The following ARMC8 variants were observed in gnomAD, a reference collection of about 807,000 sequenced individuals.
The protein encoded by ARMC8 is armadillo repeat-containing protein 8.
Under a neutral mutation model 99.3 loss-of-function variants are expected in ARMC8, and 20 were observed. The ratio of observed to expected loss-of-function variants is 0.20; its 90% CI spans 0.14 to 0.29. ARMC8 has a LOEUF of 0.29. ARMC8 is among the 10% of genes least tolerant of loss of function. The pLI is 1.00. For missense variants in ARMC8, 569 were observed against 809.5 expected (o/e 0.70, Z 3.60); for synonymous variants, 263 against 278.3 (o/e 0.95, Z 0.55).
intron 1 of ARMC8, among the ~76,000 whole-genome samples, chr3:138,207,844 G>C (rs2044462215): frequency 6.6e-6 from 1 of 152,192 alleles, no homozygotes; most frequent in Non-Finnish European, 1.5e-5. Flanking sequence ...CTGTGATTCT[G>C]TTATTTTGAG....
At chr3:138,260,716 A>C (rs904970679) in intron 12 of ARMC8, among the ~76,000 whole-genome samples, 1 of 152,134 alleles carries the variant, frequency 6.6e-6, no homozygotes, top group African/African-American at 2.4e-5. Flanking sequence ...TCTTTGGTAG[A>C]TTTACATCTT....
chr3:138,224,720 A>T (rs977794089), intron 5 of ARMC8, among the ~76,000 whole-genome samples: 9 of 152,226 alleles, frequency 5.9e-5, no homozygotes, highest in Non-Finnish European at 8.8e-5. Flanking sequence ...ACCCTACTCC[A>T]GCCTGGGCGA....
chr3:138,256,577 A>G (rs1432390061), intron 12 of ARMC8, among the ~76,000 whole-genome samples: 1 of 151,018 alleles, frequency 6.6e-6, no homozygotes, highest in African/African-American at 2.4e-5. Context: ...CGCCTGGCTA[A>G]TTTTTTGTAT....
At chr3:138,283,216 A>G (rs1432918822) in intron 18 of ARMC8, among the ~76,000 whole-genome samples, 1 of 152,234 alleles carries the variant, frequency 6.6e-6, no homozygotes, top group African/African-American at 2.4e-5. Context: ...GGAGAAATAA[A>G]ACCACACACG....
At chr3:138,275,209 C>T (rs950958643) in intron 18 of ARMC8, among the ~76,000 whole-genome samples, 1 of 152,150 alleles carries the variant, frequency 6.6e-6, no homozygotes, top group Non-Finnish European at 1.5e-5. Flanking sequence ...GAGATACTGG[C>T]GATCTTCAGT....
At chr3:138,249,955 G>A (rs891234936) in intron 12 of ARMC8, among the ~76,000 whole-genome samples, 1 of 152,058 alleles carries the variant, frequency 6.6e-6, no homozygotes, top group Admixed American at 6.6e-5. Flanking sequence ...TTAATTTTTG[G>A]TTACTTTAAA....
At chr3:138,245,262 A>G in intron 12 of ARMC8, 79 bp downstream of exon 12, 1 of 1,614,144 alleles carries the variant, frequency 6.2e-7, no homozygotes, top group Non-Finnish European at 8.5e-7. Context: ...GTCGTGGTGA[A>G]GAGCACTAAC....
intron 1 of ARMC8, among the ~76,000 whole-genome samples, chr3:138,206,984 A>G (rs764647044): frequency 6.6e-6 from 1 of 152,230 alleles, no homozygotes; most frequent in African/African-American, 2.4e-5. Flanking sequence ...AGGCAGTGTG[A>G]AATCTCCAAT....
intron 16 of ARMC8, among the ~76,000 whole-genome samples, chr3:138,271,468 G>A (rs915553562): frequency 2.0e-5 from 3 of 152,270 alleles, no homozygotes; most frequent in South Asian, 2.1e-4. Flanking sequence ...CTTAAATGGC[G>A]TATGGGACTT....
At chr3:138,231,437 A>G (rs2046021484) in intron 6 of ARMC8, among the ~76,000 whole-genome samples, 1 of 152,086 alleles carries the variant, frequency 6.6e-6, no homozygotes, top group Non-Finnish European at 1.5e-5. Flanking sequence ...TGGGGGAGGG[A>G]AAAAGGGAGA....
At position 138,288,977 on chromosome 3, in the gene ARMC8, G is replaced by C. The variant is rs1179110723; in HGVS notation, c.1822-71G>C. The C allele has an allele frequency of 3.9e-6, 5 of 1,283,008 alleles. No individual in the cohort carries two copies. The African/African-American group carries it at 7.4e-5, about 19-fold the overall frequency. The allele number at this position is 1,283,008 out of a possible 1,614,324, so 79.5% of individuals were successfully genotyped here. On this transcript the variant is annotated intron_variant, in intron 19 of 21. Transcript: ENST00000469044. ...AGGTTATAGGAATTGGCTATGGTAG[G>C]TCCCCCCAAAAAAAAATCTAAAATG...
intron 1 of ARMC8, among the ~76,000 whole-genome samples, chr3:138,205,181 G>A (rs2044301086): frequency 7.0e-6 from 1 of 142,258 alleles, no homozygotes; most frequent in African/African-American, 2.7e-5. Flanking sequence ...TGATTCTCCT[G>A]CCTCAGCCTT....
intron 2 of ARMC8, among the ~76,000 whole-genome samples, chr3:138,221,330 A>G (rs2045381281): frequency 6.6e-6 from 1 of 152,222 alleles, no homozygotes; most frequent in Non-Finnish European, 1.5e-5. Flanking sequence ...CAAAAAATGA[A>G]TGGGAAAGTG....
chr3:138,203,225 C>G (rs1176197853), intron 1 of ARMC8, among the ~76,000 whole-genome samples: 1 of 152,230 alleles, frequency 6.6e-6, no homozygotes, highest in Non-Finnish European at 1.5e-5. Context: ...CCCTCTTTCA[C>G]TCTTAAAATT....
At position 138,237,560 on chromosome 3, in the gene ARMC8, C is replaced by T; in HGVS notation, c.764C>T (p.Thr255Ile). 6.2e-7 allele frequency: 1 copy of T among 1,612,458 alleles called. No individual in the cohort carries two copies. Among genetic ancestry groups the T allele is most frequent in the South Asian group, 1.1e-5 (1 of 90,936 alleles). ...QRDKPIEMQL[T>I]SAKCLTYMCR... is the part of the protein sequence containing the mutation. ...GATAAGCCTATTGAGATGCAGCTCA[C>T]ATCAGCAAAATGGTAAAAGTCAGGA... Residue 255 changes from threonine (T) to isoleucine (I), a missense_variant, in exon 9 of 22, where the codon ACA (threonine) becomes ATA (isoleucine). Thr to Ile is a moderately conservative substitution (Grantham distance 89). Transcript: ENST00000469044.
chr3:138,196,932 T>C (rs2043770118), intron 1 of ARMC8, among the ~76,000 whole-genome samples: 1 of 152,146 alleles, frequency 6.6e-6, no homozygotes, highest in African/African-American at 2.4e-5. Flanking sequence ...AGCAATAAGG[T>C]ATTAAAACTC....
chr3:138,219,039 C>G (rs920538440), intron 2 of ARMC8, among the ~76,000 whole-genome samples: 4 of 152,086 alleles, frequency 2.6e-5, no homozygotes, highest in African/African-American at 9.7e-5. Flanking sequence ...AAACAGTTGG[C>G]ATAAAAGACA....
At chr3:138,210,163 T>A (rs564494767) in intron 2 of ARMC8, among the ~76,000 whole-genome samples, 3 of 152,334 alleles carry the variant, frequency 2.0e-5, no homozygotes, top group Non-Finnish European at 4.4e-5. Context: ...TGCTTTTGCT[T>A]CTTTAATATC....
At chr3:138,218,746 A>G (rs1425844596) in intron 2 of ARMC8, among the ~76,000 whole-genome samples, 3 of 152,184 alleles carry the variant, frequency 2.0e-5, no homozygotes, top group Non-Finnish European at 4.4e-5. Context: ...ATACTTTCGT[A>G]TACTTCATAG....
Sources: allele counts gnomAD v4.1 joint callset (sites outside exome capture counted in the v4.1 genomes callset), GRCh38; gene constraint gnomAD v4.1.1; transcripts MANE v1.5; gene names NCBI Gene and HGNC (gene_info 2026-07-23, HGNC 2026-07-21).